APOLD1: variants seen among roughly 807,000 people sequenced by gnomAD.
APOLD1 encodes the protein apolipoprotein L domain containing 1.
Under a neutral mutation model 15.3 loss-of-function variants are expected in APOLD1, and 22 were observed. The observed-to-expected ratio is 1.44, with a 90% CI of 1.03 to 2.05. The LOEUF (loss-of-function observed/expected upper bound fraction) is 2.05. APOLD1 is among the 30% of genes most tolerant of loss of function. APOLD1 has a pLI of 0.00. For synonymous variants in APOLD1, 190 were observed against 167.4 expected, an observed-to-expected ratio of 1.13 and a Z score of -1.04; for missense variants, 394 against 353.5, an observed-to-expected ratio of 1.11 and a Z score of -0.92.
intron 1 of APOLD1, among the ~76,000 whole-genome samples, chr12:12,736,068 C>T (rs1465723801): frequency 2.0e-5 from 3 of 151,946 alleles, no homozygotes; most frequent in African/African-American, 7.3e-5. Context: ...AAAATACAAA[C>T]AACTAGGCTG....
At chr12:12,758,601 A>G (rs73283160) in intron 1 of APOLD1, among the ~76,000 whole-genome samples, 10,092 of 152,130 alleles carry the variant, frequency 0.066, 494 homozygotes, top group African/African-American at 0.14. Flanking sequence ...CAGAGCCAGC[A>G]TTTTTCCTGC....
intron 1 of APOLD1, among the ~76,000 whole-genome samples, chr12:12,753,019 G>T (rs1293531444): frequency 6.6e-6 from 1 of 152,122 alleles, no homozygotes; most frequent in Non-Finnish European, 1.5e-5. Flanking sequence ...GGGAGGAGGG[G>T]GGTGCACTCA....
chr12:12,726,078 CT>C lies in APOLD1; in HGVS notation c.80del (p.Phe27SerfsTer59). 6.6e-7 allele frequency: 1 copy of C among 1,524,072 alleles called. No homozygotes were observed. Among genetic ancestry groups the C allele is most frequent in the South Asian group, 1.2e-5 (1 of 82,232 alleles). 94.4% of individuals were successfully genotyped at this position (1,524,072 alleles called of 1,614,324 possible). A position where few individuals can be genotyped will look rare whatever the true frequency, so the allele number is the denominator to read the frequency against. On this transcript the variant is annotated frameshift_variant, in exon 1 of 2. Coordinates refer to the APOLD1 transcript ENST00000326765. LOFTEE classifies it high-confidence loss of function. The stretch of plus-strand genomic sequence containing the variant: ...GGGCAGGAGCCTGGCGAGGATGCAC[CT>C]TCCCCTGCCTTGGAAAGGTAGAACT...
chr12:12,774,837 C>T (rs765704437), intron 1 of APOLD1, among the ~76,000 whole-genome samples: 1 of 152,126 alleles, frequency 6.6e-6, no homozygotes, highest in South Asian at 2.1e-4. Context: ...AGAAACTCTC[C>T]TTCATTTCTG....
At chr12:12,784,792 G>A (rs1022438519), upstream of APOLD1, among the ~76,000 whole-genome samples, 3 of 152,160 alleles carry the variant, frequency 2.0e-5, 1 homozygote, top group South Asian at 6.2e-4. Flanking sequence ...GTTCCATCTG[G>A]TCTGGTCTGC....
intron 1 of APOLD1, among the ~76,000 whole-genome samples, chr12:12,770,703 G>A (rs974535301): frequency 6.6e-6 from 1 of 150,786 alleles, no homozygotes; most frequent in African/African-American, 2.4e-5. Context: ...AATAGTGATT[G>A]AGAATTTCCC....
intron 1 of APOLD1, among the ~76,000 whole-genome samples, chr12:12,765,926 G>A (rs1416775141): frequency 6.6e-6 from 1 of 152,030 alleles, no homozygotes; most frequent in East Asian, 1.9e-4. Flanking sequence ...TAGATCTTCT[G>A]TGCTCTAGTG....
At chr12:12,758,126 CG>C (rs1946871533) in intron 1 of APOLD1, among the ~76,000 whole-genome samples, 1 of 144,508 alleles carries the variant, frequency 6.9e-6, no homozygotes, top group Non-Finnish European at 1.5e-5. Context: ...TTAGTAGAGA[CG>C]GGGTTTCACT....
rs145988545 is a variant in APOLD1, at chr12:12,742,922, C to A, written c.96+16826C>A. 7.1e-3 allele frequency among the ~76,000 whole-genome samples: 1,088 copies of A among 152,214 alleles called. 7 individuals are homozygous for A. The highest frequency in any genetic ancestry group is 0.012 in the Admixed American group (178 of 15,290). ...TGGAACTACAGGCATGTGACACCAC[C>A]CTGGCTAATTTTTTGTAGAGATAAG... On this transcript the variant is annotated intron_variant, in intron 1 of 1. Coordinates refer to the APOLD1 transcript ENST00000326765.
intron 1 of APOLD1, among the ~76,000 whole-genome samples, chr12:12,765,690 G>A (rs535798180): frequency 1.3e-5 from 2 of 152,268 alleles, no homozygotes; most frequent in East Asian, 3.9e-4. Context: ...GGGCAACATG[G>A]TGAAACCCCA....
chr12:12,767,324 T>C (rs940696001), intron 1 of APOLD1, among the ~76,000 whole-genome samples: 10 of 152,050 alleles, frequency 6.6e-5, no homozygotes, highest in East Asian at 5.8e-4. Context: ...ATTGGAGTTA[T>C]TCAGAAAAAT....
chr12:12,774,559 A>G (rs1386032664), intron 1 of APOLD1, among the ~76,000 whole-genome samples: 3 of 136,976 alleles, frequency 2.2e-5, no homozygotes, highest in Admixed American at 7.0e-5. Context: ...AAAAAAAAAA[A>G]AAAAAAAAAA....
chr12:12,736,369 AC>A (rs60282166), intron 1 of APOLD1, among the ~76,000 whole-genome samples: 4,730 of 55,276 alleles, frequency 0.086, 291 homozygotes, highest in African/African-American at 0.22. Flanking sequence ...ACAAAACAAA[AC>A]AAAAAAACTA....
intron 1 of APOLD1, among the ~76,000 whole-genome samples, chr12:12,736,984 T>C (rs2136371205): frequency 6.6e-6 from 1 of 152,322 alleles, no homozygotes; most frequent in Non-Finnish European, 1.5e-5. Flanking sequence ...CTCATTGCTG[T>C]TTTAGAGTCT....
At chr12:12,735,769 T>C (rs1276008653) in intron 1 of APOLD1, among the ~76,000 whole-genome samples, 1 of 144,748 alleles carries the variant, frequency 6.9e-6, no homozygotes, top group African/African-American at 2.7e-5. Flanking sequence ...TGAGGCCTCA[T>C]TTCTACAATA....
intron 1 of APOLD1, among the ~76,000 whole-genome samples, chr12:12,738,202 C>CTT (rs71436733): frequency 0.4 from 46,794 of 117,420 alleles, 9,910 homozygotes; most frequent in South Asian, 0.49. Context: ...CAAGCAAGTC[C>CTT]TTTTTTTTTT....
chr12:12,753,295 G>T (rs1337846821), intron 1 of APOLD1, among the ~76,000 whole-genome samples: 9 of 152,176 alleles, frequency 5.9e-5, no homozygotes, highest in Non-Finnish European at 1.3e-4. Flanking sequence ...TATCATTAAA[G>T]AAATGTGAAA....
chr12:12,760,924 T>G (rs765947060), intron 1 of APOLD1, among the ~76,000 whole-genome samples: 1 of 152,246 alleles, frequency 6.6e-6, no homozygotes, highest in African/African-American at 2.4e-5. Context: ...TGGTGGAAAG[T>G]TAGATCATTT....
intron 1 of APOLD1, among the ~76,000 whole-genome samples, chr12:12,772,329 A>G (rs1399509618): frequency 1.3e-5 from 2 of 152,222 alleles, no homozygotes; most frequent in African/African-American, 4.8e-5. Context: ...AGAAAGCAGA[A>G]TTAGCTATGC....
Sources: gnomAD v4.1 joint callset for allele counts (sites outside exome capture counted in the v4.1 genomes callset) on GRCh38, gnomAD v4.1.1 for gene constraint, MANE v1.5 for transcripts, NCBI Gene and HGNC (gene_info 2026-07-23, HGNC 2026-07-21) for gene names.